KIAA1671: variants seen among roughly 807,000 people sequenced by gnomAD.
KIAA1671 encodes the protein KIAA1671.
A neutral mutation model predicts 131.2 loss-of-function variants in KIAA1671; 52 were observed. That is an observed-to-expected ratio of 0.40 (90% CI 0.32 to 0.50). KIAA1671 has a LOEUF of 0.50. Among genes scored for constraint, KIAA1671 ranks in the 20% least tolerant of loss-of-function variants. The pLI is 0.73. For synonymous variants in KIAA1671, 1,003 were observed against 961.6 expected (o/e 1.04, Z -0.80); for missense variants, 2,360 against 2,364.2 (o/e 1.00, Z 0.04).
At chr22:25,182,373 CCCTT>C (rs1005012015) in intron 10 of KIAA1671, among the ~76,000 whole-genome samples, 1 of 115,712 alleles carries the variant, frequency 8.6e-6, no homozygotes, top group Non-Finnish European at 1.9e-5. Context: ...TTTCCTCCCT[CCCTT>C]TCTCTTTTCT....
intron 1 of KIAA1671, among the ~76,000 whole-genome samples, chr22:24,977,924 T>C (rs1360413285): frequency 1.3e-5 from 2 of 152,206 alleles, no homozygotes; most frequent in Non-Finnish European, 2.9e-5. Context: ...TGGACCTGCA[T>C]AGCTTCTTGT....
chr22:25,066,112 C>T (rs1928465714), intron 6 of KIAA1671, among the ~76,000 whole-genome samples: 1 of 151,926 alleles, frequency 6.6e-6, no homozygotes. Context: ...GGGGTGAGCT[C>T]ACCCCTTCAA....
At chr22:25,000,485 G>A (rs189999577) in intron 1 of KIAA1671, among the ~76,000 whole-genome samples, 3 of 58,558 alleles carry the variant, frequency 5.1e-5, no homozygotes, top group Non-Finnish European at 7.6e-5. Flanking sequence ...GAGCCACCGC[G>A]CCCGGCCTTT....
intron 6 of KIAA1671, among the ~76,000 whole-genome samples, chr22:25,093,814 CTCTCTCTCTTTCTCTCTCTGTCTG>C (rs1568951455): frequency 1.2e-4 from 15 of 121,338 alleles, no homozygotes; most frequent in East Asian, 2.4e-4. Flanking sequence ...CTCTCTCTGT[CTCTCTCTCTTTCTCTCTCTGTCTG>C]TCTCTCTCTC....
intron 1 of KIAA1671, among the ~76,000 whole-genome samples, chr22:24,990,631 C>T (rs528056670): frequency 6.6e-6 from 1 of 152,350 alleles, no homozygotes; most frequent in South Asian, 2.1e-4. Flanking sequence ...ATGGACAGGC[C>T]ACCTCTGGAG....
intron 6 of KIAA1671, among the ~76,000 whole-genome samples, chr22:25,071,790 T>C (rs1438186520): frequency 6.6e-6 from 1 of 152,132 alleles, no homozygotes; most frequent in African/African-American, 2.4e-5. Context: ...CTCATGTTCA[T>C]TCAGCACACA....
intron 6 of KIAA1671, among the ~76,000 whole-genome samples, chr22:25,095,487 TA>T (rs1930349283): frequency 6.6e-6 from 1 of 152,006 alleles, no homozygotes; most frequent in African/African-American, 2.4e-5. Context: ...CCATGTCTAC[TA>T]AAAATATAAA....
At chr22:25,109,114 CT>C (rs869242613) in intron 6 of KIAA1671, among the ~76,000 whole-genome samples, 608 of 142,812 alleles carry the variant, frequency 4.3e-3, no homozygotes, top group Non-Finnish European at 3.6e-3. Context: ...ACTATCACTT[CT>C]TTTTTTTTTT....
At chr22:24,993,957 T>G (rs562052922) in intron 1 of KIAA1671, among the ~76,000 whole-genome samples, 7 of 152,024 alleles carry the variant, frequency 4.6e-5, no homozygotes, top group Non-Finnish European at 7.4e-5. Context: ...AGAGGGCGCC[T>G]GTAATCCCAG....
intron 6 of KIAA1671, among the ~76,000 whole-genome samples, chr22:25,093,999 G>C (rs1397724446): frequency 6.6e-6 from 1 of 151,884 alleles, no homozygotes; most frequent in African/African-American, 2.4e-5. Flanking sequence ...AGAAGGGAGG[G>C]AGGACAGAGA....
chr22:24,967,941 C>T (rs535704000), intron 1 of KIAA1671, among the ~76,000 whole-genome samples: 30 of 152,114 alleles, frequency 2.0e-4, no homozygotes, highest in South Asian at 6.2e-4. Flanking sequence ...TGCAGTGAAC[C>T]GAGATCATGC....
intron 6 of KIAA1671, 97 bp downstream of exon 6, chr22:25,049,461 G>GCCCTAACCCTAA: frequency 7.2e-7 from 1 of 1,386,348 alleles, no homozygotes; most frequent in South Asian, 1.4e-5. Flanking sequence ...ACAGCCCAGG[G>GCCCTAACCCTAA]CCCTGACGGG....
intron 8 of KIAA1671, chr22:25,176,804 C>G (rs1002823489): frequency 2.6e-5 from 4 of 152,268 alleles, no homozygotes; most frequent in Admixed American, 6.5e-5. Context: ...TCAGGGATGC[C>G]TGAAAATGGA....
intron 6 of KIAA1671, among the ~76,000 whole-genome samples, chr22:25,072,611 T>C (rs920832648): frequency 6.6e-6 from 1 of 152,158 alleles, no homozygotes; most frequent in Non-Finnish European, 1.5e-5. Flanking sequence ...TTGCTTGACC[T>C]CTCAAGGAAG....
intron 6 of KIAA1671, among the ~76,000 whole-genome samples, chr22:25,122,384 C>A (rs967264747): frequency 2.6e-5 from 4 of 152,142 alleles, no homozygotes; most frequent in Admixed American, 2.6e-4. Flanking sequence ...ATGGCAATGA[C>A]CCAATGACCC....
rs180717176 is a variant in KIAA1671 at position 25,140,926 on chromosome 22, G to A, written c.4531-29894G>A. ...AAAAATATATGGGAAGGAGAAGTGAGGGGGAGTTGGAAGAGTAGAGTTATT... is the reference window on the plus strand; with the variant it reads ...AAAAATATATGGGAAGGAGAAGTGAAGGGGAGTTGGAAGAGTAGAGTTATT... On this transcript the variant is annotated intron_variant, in intron 6 of 12. Transcript: ENST00000358431. 2.0e-4 allele frequency among the ~76,000 whole-genome samples: 31 copies of A among 152,304 alleles called. 1 individual carries two copies. In the Middle Eastern group the frequency reaches 0.017, roughly 84 times the overall value.
At chr22:25,130,384 GGTTAAAGA>G (rs1423302577) in intron 6 of KIAA1671, among the ~76,000 whole-genome samples, 5 of 152,134 alleles carry the variant, frequency 3.3e-5, no homozygotes, top group Non-Finnish European at 5.9e-5. Context: ...TGAATGAGTA[GGTTAAAGA>G]ATGTGTACTG....
At chr22:25,044,428 T>C (rs1602093988) in intron 5 of KIAA1671, among the ~76,000 whole-genome samples, 1 of 151,956 alleles carries the variant, frequency 6.6e-6, no homozygotes. Context: ...GGCCCGCTGG[T>C]GGTGGGGGAG....
chr22:25,149,321 G>A (rs1321175023), intron 6 of KIAA1671, among the ~76,000 whole-genome samples: 1 of 152,192 alleles, frequency 6.6e-6, no homozygotes, highest in Non-Finnish European at 1.5e-5. Context: ...TGACCTTCAT[G>A]GTCTGCATCT....
Sources: gnomAD v4.1 joint callset for allele counts (sites outside exome capture counted in the v4.1 genomes callset) on GRCh38, gnomAD v4.1.1 for gene constraint, MANE v1.5 for transcripts, NCBI Gene and HGNC (gene_info 2026-07-23, HGNC 2026-07-21) for gene names.